The following ZBTB20 variants were observed in gnomAD, a reference collection of about 807,000 sequenced individuals.
The protein encoded by ZBTB20 is zinc finger and BTB domain-containing protein 20.
ZBTB20 carries 9 observed loss-of-function variants against 56.9 expected under a neutral mutation model. That is an observed-to-expected ratio of 0.16 (90% CI 0.10 to 0.28). The LOEUF (loss-of-function observed/expected upper bound fraction) is 0.28. Ranked by LOEUF, ZBTB20 falls within the 10% of genes least tolerant of loss-of-function variation. The pLI is 1.00. For synonymous variants in ZBTB20, 417 were observed against 420.7 expected (o/e 0.99, Z 0.11); for missense variants, 655 against 1,003.0 (o/e 0.65, Z 4.69).
intron 5 of ZBTB20, among the ~76,000 whole-genome samples, chr3:114,714,260 T>A (rs2064298795): frequency 6.6e-6 from 1 of 152,226 alleles, no homozygotes; most frequent in African/African-American, 2.4e-5. Flanking sequence ...AGTGCCCAGC[T>A]AAGAGAATTC....
At chr3:114,516,408 T>G (rs1348907669) in intron 6 of ZBTB20, among the ~76,000 whole-genome samples, 1 of 152,222 alleles carries the variant, frequency 6.6e-6, no homozygotes, top group Non-Finnish European at 1.5e-5. Flanking sequence ...AAATGCTATT[T>G]AATATTACCA....
chr3:114,628,556 T>C (rs1265475618), intron 6 of ZBTB20, among the ~76,000 whole-genome samples: 1 of 152,144 alleles, frequency 6.6e-6, no homozygotes. Flanking sequence ...GGACCAGCAC[T>C]GGCAGCAATG....
At chr3:114,789,352 C>T (rs1160872589) in intron 5 of ZBTB20, among the ~76,000 whole-genome samples, 1 of 152,188 alleles carries the variant, frequency 6.6e-6, no homozygotes, top group Non-Finnish European at 1.5e-5. Context: ...TTAAATTTGA[C>T]TTCACTGAAT....
At chr3:114,835,326 A>G (rs1320229542) in intron 4 of ZBTB20, among the ~76,000 whole-genome samples, 1 of 151,214 alleles carries the variant, frequency 6.6e-6, no homozygotes, top group Non-Finnish European at 1.5e-5. Flanking sequence ...ATAGATTTGG[A>G]TTTTTTTTTG....
intron 1 of ZBTB20, among the ~76,000 whole-genome samples, chr3:115,139,950 A>G (rs1454298149): frequency 3.3e-5 from 5 of 152,102 alleles, no homozygotes. Flanking sequence ...GTTAGAAAGC[A>G]TGTATCATTA....
At chr3:114,817,643 A>G (rs1266900030) in intron 4 of ZBTB20, among the ~76,000 whole-genome samples, 2 of 152,030 alleles carry the variant, frequency 1.3e-5, no homozygotes, top group African/African-American at 4.8e-5. Flanking sequence ...GAGTTTTGCA[A>G]TTTCCTTATT....
At chr3:114,410,926 G>C in intron 7 of ZBTB20, among the ~76,000 whole-genome samples, 1 of 152,108 alleles carries the variant, frequency 6.6e-6, no homozygotes, top group Non-Finnish European at 1.5e-5. Flanking sequence ...AACTGACTTA[G>C]TGGAGGGAAG....
At chr3:114,870,526 AG>A (rs2107535302) in intron 4 of ZBTB20, among the ~76,000 whole-genome samples, 1 of 151,814 alleles carries the variant, frequency 6.6e-6, no homozygotes, top group South Asian at 2.1e-4. Flanking sequence ...CTGACTAAAA[AG>A]GACTGAAAAT....
intron 10 of ZBTB20, among the ~76,000 whole-genome samples, chr3:114,364,710 G>T (rs1050281836): frequency 6.6e-6 from 1 of 152,138 alleles, no homozygotes; most frequent in Non-Finnish European, 1.5e-5. Context: ...CTCACAATAT[G>T]CTCAGAGTGT....
chr3:115,076,163 T>C (rs1275396668), intron 1 of ZBTB20, among the ~76,000 whole-genome samples: 1 of 152,154 alleles, frequency 6.6e-6, no homozygotes, highest in Non-Finnish European at 1.5e-5. Context: ...TTAATATTGT[T>C]AAAATGTCCA....
At chr3:114,697,179 T>A (rs1026905456) in intron 5 of ZBTB20, among the ~76,000 whole-genome samples, 1 of 151,608 alleles carries the variant, frequency 6.6e-6, no homozygotes, top group Non-Finnish European at 1.5e-5. Context: ...CTGGCTTTTT[T>A]ACATAAATAT....
rs2108002449 is a variant in ZBTB20, at chr3:114,322,145, G to A, written c.*16860C>T. On this transcript the variant is annotated 3_prime_UTR_variant, in exon 12 of 12. Coordinates refer to ENST00000675478, the MANE Select transcript of ZBTB20 (RefSeq NM_001348800.3). ...GAACCCTGATCTGCACTGTGTACAT[G>A]CTGCCCTATGTTTCACCAGTGACCT... 1 of 152,304 alleles carries A rather than the reference G, an allele frequency of 6.6e-6. No individual in the cohort carries two copies. The highest frequency in any genetic ancestry group is 1.9e-4 in the East Asian group (1 of 5,188). 9.4% of individuals were successfully genotyped at this position (152,304 alleles called of 1,614,324 possible).
At chr3:114,654,886 GA>G (rs2060310529) in intron 6 of ZBTB20, among the ~76,000 whole-genome samples, 1 of 152,038 alleles carries the variant, frequency 6.6e-6, no homozygotes, top group East Asian at 1.9e-4. Flanking sequence ...ATATGATTAG[GA>G]AATATCCCTC....
intron 1 of ZBTB20, among the ~76,000 whole-genome samples, chr3:115,129,904 G>T (rs2108664263): frequency 6.6e-6 from 1 of 152,240 alleles, no homozygotes; most frequent in South Asian, 2.1e-4. Flanking sequence ...CTATCTGTTG[G>T]AGGTTTATAT....
intron 4 of ZBTB20, among the ~76,000 whole-genome samples, chr3:114,859,895 C>T (rs974205643): frequency 1.3e-5 from 2 of 152,154 alleles, no homozygotes; most frequent in African/African-American, 4.8e-5. Context: ...AGGCTTAAAA[C>T]AATGTTTGAA....
intron 2 of ZBTB20, among the ~76,000 whole-genome samples, chr3:115,040,178 CACTG>C (rs1254097390): frequency 6.6e-6 from 1 of 152,006 alleles, no homozygotes; most frequent in African/African-American, 2.4e-5. Flanking sequence ...CTGAATGACT[CACTG>C]ACTGATTGAA....
At chr3:114,634,390 A>T (rs919579257) in intron 6 of ZBTB20, among the ~76,000 whole-genome samples, 11 of 152,164 alleles carry the variant, frequency 7.2e-5, no homozygotes, top group Non-Finnish European at 1.3e-4. Context: ...ATAGCTATAG[A>T]CCCATAGGCA....
At chr3:114,911,849 T>C (rs1387732331) in intron 3 of ZBTB20, among the ~76,000 whole-genome samples, 1 of 151,718 alleles carries the variant, frequency 6.6e-6, no homozygotes, top group Non-Finnish European at 1.5e-5. Flanking sequence ...CAAAAACTAA[T>C]ATAAAGAAAT....
At chr3:114,912,655 T>A (rs1441117816) in intron 3 of ZBTB20, among the ~76,000 whole-genome samples, 1 of 151,934 alleles carries the variant, frequency 6.6e-6, no homozygotes, top group Admixed American at 6.6e-5. Flanking sequence ...ATTAAATTAT[T>A]TTTGACTAGT....
Sources: gnomAD v4.1 joint callset for allele counts (sites outside exome capture counted in the v4.1 genomes callset) on GRCh38, gnomAD v4.1.1 for gene constraint, MANE v1.5 for transcripts, NCBI Gene and HGNC (gene_info 2026-07-23, HGNC 2026-07-21) for gene names.